Variants in SLCO1B1 observed in about 807,000 individuals in gnomAD.
The protein encoded by SLCO1B1 is OATP-2.
SLCO1B1 carries 81 observed loss-of-function variants against 70.1 expected under a neutral mutation model. The observed-to-expected ratio is 1.16, with a 90% confidence interval of 0.97 to 1.39. SLCO1B1 has a LOEUF of 1.39. Among genes scored for constraint, SLCO1B1 ranks in the 40% most tolerant of loss-of-function variants. SLCO1B1 has a pLI of 0.00. For synonymous variants in SLCO1B1, 283 were observed against 271.5 expected (o/e 1.04, Z -0.42); for missense variants, 895 against 799.6 (o/e 1.12, Z -1.44).
intron 11 of SLCO1B1, among the ~76,000 whole-genome samples, chr12:21,213,689 C>CT (rs1324346712): frequency 2.1e-5 from 3 of 141,368 alleles, no homozygotes; most frequent in African/African-American, 7.9e-5. Flanking sequence ...CTCCCCATCA[C>CT]TTTCAGGTAC....
intron 2 of SLCO1B1, among the ~76,000 whole-genome samples, chr12:21,152,643 A>G (rs576967269): frequency 2.7e-5 from 4 of 145,860 alleles, no homozygotes; most frequent in Admixed American, 7.0e-5. Context: ...GGATTTTGGT[A>G]TTTTCCTTCT....
chr12:21,214,393 C>T (rs1227683646), intron 11 of SLCO1B1, among the ~76,000 whole-genome samples: 4 of 149,364 alleles, frequency 2.7e-5, no homozygotes, highest in Admixed American at 6.6e-5. Flanking sequence ...GGGTCAGGGA[C>T]CCACTTGAGG....
intron 5 of SLCO1B1, among the ~76,000 whole-genome samples, chr12:21,177,653 A>C (rs1385642558): frequency 6.6e-6 from 1 of 152,050 alleles, no homozygotes; most frequent in African/African-American, 2.4e-5. Context: ...ATACTTACCT[A>C]CTTAGTCTGA....
chr12:21,162,043 A>G (rs926890681), intron 2 of SLCO1B1, among the ~76,000 whole-genome samples: 2 of 151,588 alleles, frequency 1.3e-5, no homozygotes, highest in African/African-American at 4.8e-5. Context: ...ATTTTAAATA[A>G]TATTATAAAT....
intron 4 of SLCO1B1, 89 bp downstream of exon 4, chr12:21,174,798 G>A (rs2121101413): frequency 7.4e-7 from 1 of 1,359,896 alleles, no homozygotes; most frequent in East Asian, 2.3e-5. Context: ...CTTTAAATAG[G>A]CAGTTACCTT....
chr12:21,195,992 T>C (rs1373193281), intron 7 of SLCO1B1, among the ~76,000 whole-genome samples: 2 of 152,196 alleles, frequency 1.3e-5, no homozygotes, highest in African/African-American at 4.8e-5. Context: ...CAAGTGTTCA[T>C]AGGCACTTGC....
intron 11 of SLCO1B1, among the ~76,000 whole-genome samples, chr12:21,206,842 T>C (rs1941221162): frequency 1.3e-5 from 2 of 151,932 alleles, no homozygotes; most frequent in Admixed American, 6.6e-5. Flanking sequence ...ACTAAAACAG[T>C]CAACTATAAT....
chr12:21,231,585 C>T (rs1941538895), intron 14 of SLCO1B1, among the ~76,000 whole-genome samples: 1 of 151,554 alleles, frequency 6.6e-6, no homozygotes, highest in Admixed American at 6.6e-5. Context: ...ATAAAAACTT[C>T]TCAAAAAAAC....
chr12:21,163,239 C>T (rs746747865), intron 2 of SLCO1B1, among the ~76,000 whole-genome samples: 1 of 152,032 alleles, frequency 6.6e-6, no homozygotes, highest in Admixed American at 6.6e-5. Context: ...TTTTCATTCA[C>T]TATGACATTG....
chr12:21,224,891 C>A, intron 14 of SLCO1B1, 52 bp downstream of exon 14: 1 of 910,724 alleles, frequency 1.1e-6, no homozygotes. Context: ...ATATTAATTC[C>A]TAAAAAATAT....
At position 21,178,672 on chromosome 12, in the gene SLCO1B1, TTTCTTACA is replaced by T. The variant is rs1255036115; in HGVS notation, c.581_588del (p.Ser194Ter). ...GAGACTCCCATAGTACCATTGGGGC[TTTCTTACA>T]TTGATGATTTCGCTAAAGAAGGACA... On this transcript the variant is annotated frameshift_variant, in exon 6 of 15. Coordinates refer to ENST00000256958, the MANE Select transcript of SLCO1B1 (RefSeq NM_006446.5). LOFTEE classifies it high-confidence loss of function. 6.2e-7 allele frequency: 1 copy of T among 1,607,214 alleles called. No individual in the cohort carries two copies. Among genetic ancestry groups the T allele is most frequent in the South Asian group, 1.1e-5 (1 of 91,026 alleles).
At chr12:21,145,633 A>G (rs1444666106) in intron 2 of SLCO1B1, among the ~76,000 whole-genome samples, 2 of 151,824 alleles carry the variant, frequency 1.3e-5, no homozygotes, top group African/African-American at 4.8e-5. Context: ...TTTCTTTTTA[A>G]AGTGACTACA....
chr12:21,213,384 A>C (rs1941313317), intron 11 of SLCO1B1, among the ~76,000 whole-genome samples: 1 of 151,798 alleles, frequency 6.6e-6, no homozygotes, highest in Non-Finnish European at 1.5e-5. Flanking sequence ...AGAATGTTGA[A>C]TATTGGCCCC....
intron 12 of SLCO1B1, among the ~76,000 whole-genome samples, chr12:21,220,302 A>G (rs1431775944): frequency 6.6e-6 from 1 of 152,172 alleles, no homozygotes; most frequent in Non-Finnish European, 1.5e-5. Context: ...CATATATGCA[A>G]TCCAACAGGA....
chr12:21,239,627 C>T lies in SLCO1B1; in HGVS notation c.*438C>T, dbSNP rs576232485. On this transcript the variant is annotated 3_prime_UTR_variant, in exon 15 of 15. Transcript: ENST00000256958. ...CAAACACAGAGTTTGAACTATAATA[C>T]TAAGGCCTGAAGTCTAGCTTGGATA... Among the ~76,000 whole-genome samples, 4 of 152,248 alleles carry T rather than the reference C, an allele frequency of 2.6e-5. No individual in the cohort carries two copies. Among genetic ancestry groups the T allele is most frequent in the Middle Eastern group, 3.4e-3 (1 of 294 alleles).
chr12:21,196,987 G>C lies in SLCO1B1; in HGVS notation c.769G>C (p.Ala257Pro). ...ITPTDSRWVG[A>P]WWLNFLVSGL... ...TCCTACTGATTCTCGATGGGTTGGA[G>C]CTTGGTGGCTTAATTTCCTTGTGTC... Residue 257 changes from alanine (A) to proline (P), a missense_variant, in exon 8 of 15, where the codon GCT (alanine) becomes CCT (proline). Coordinates refer to ENST00000256958, the MANE Select transcript of SLCO1B1 (RefSeq NM_006446.5). The C allele has an allele frequency of 6.2e-7, 1 of 1,613,464 alleles. No individual in the cohort carries two copies. The highest frequency in any genetic ancestry group is 8.5e-7 in the Non-Finnish European group (1 of 1,179,570).
chr12:21,148,456 A>G (rs1008776213), intron 2 of SLCO1B1, among the ~76,000 whole-genome samples: 3 of 152,126 alleles, frequency 2.0e-5, no homozygotes, highest in African/African-American at 4.8e-5. Flanking sequence ...CATCATATAT[A>G]TTAAGAAGGG....
At chr12:21,168,933 A>G (rs1311208594) in intron 2 of SLCO1B1, among the ~76,000 whole-genome samples, 1 of 152,094 alleles carries the variant, frequency 6.6e-6, no homozygotes, top group Non-Finnish European at 1.5e-5. Context: ...TTTGTATCAC[A>G]TTTTAAAAAT....
Position 21,172,758 on chromosome 12 carries a change from C to A in SLCO1B1, c.193C>A (p.Leu65Ile). 6.2e-7 allele frequency: 1 copy of A among 1,613,408 alleles called. No homozygotes were observed. Among genetic ancestry groups the A allele is most frequent in the Non-Finnish European group, 8.5e-7 (1 of 1,179,696 alleles). ...ACGGAGATTTGAGATATCCTCTTCTCTTGTTGGTTTTATTGACGGAAGCTT... is the reference window on the plus strand; with the variant it reads ...ACGGAGATTTGAGATATCCTCTTCTATTGTTGGTTTTATTGACGGAAGCTT... ...IERRFEISSS[L>I]VGFIDGSFEI... Residue 65 changes from leucine (L) to isoleucine (I), a missense_variant, in exon 3 of 15, where the codon CTT becomes ATT. Leu to Ile is a conservative substitution (Grantham distance 5, BLOSUM62 2). Coordinates refer to ENST00000256958, the MANE Select transcript of SLCO1B1 (RefSeq NM_006446.5).
Sources: allele counts gnomAD v4.1 joint callset (sites outside exome capture counted in the v4.1 genomes callset), GRCh38; gene constraint gnomAD v4.1.1; transcripts MANE v1.5; gene names NCBI Gene and HGNC (gene_info 2026-07-23, HGNC 2026-07-21).